CACNA1C: variants seen among roughly 807,000 people sequenced by gnomAD.
CACNA1C encodes calcium voltage-gated channel subunit alpha1 C.
Under a neutral mutation model 229.0 loss-of-function variants are expected in CACNA1C, and 30 were observed. The ratio of observed to expected loss-of-function variants is 0.13; its 90% confidence interval spans 0.10 to 0.18. CACNA1C has a LOEUF of 0.18. Ranked by LOEUF, CACNA1C falls within the 10% of genes least tolerant of loss-of-function variation. The pLI, the probability that CACNA1C is intolerant of heterozygous loss-of-function variation, is 1.00. For synonymous variants in CACNA1C, 1,114 were observed against 1,132.5 expected (o/e 0.98, Z 0.33); for missense variants, 1,658 against 2,845.0 (o/e 0.58, Z 9.49).
chr12:2,022,879 T>C (rs2046706889), intron 1 of CACNA1C, among the ~76,000 whole-genome samples: 1 of 152,152 alleles, frequency 6.6e-6, no homozygotes, highest in Non-Finnish European at 1.5e-5. Flanking sequence ...TGAAGACTTA[T>C]TGTACTTAAA....
Position 2,285,571 on chromosome 12 carries a change from G to A in CACNA1C, c.478-163405G>A, listed in dbSNP as rs1269057536. On this transcript the variant is annotated intron_variant, in intron 3 of 46. Transcript: ENST00000399655. The surrounding 1 kb of genome is among the most constrained non-coding windows in gnomAD (Gnocchi z 4.2). ...CCTTAAACACCTCCTCATCCCAGAC[G>A]GGTTGACTTTCAATGAGAGGACTCT... Among the ~76,000 whole-genome samples the A allele has an allele frequency of 6.6e-6, 1 of 152,074 alleles. No individual in the cohort carries two copies. The highest frequency in any genetic ancestry group is 1.5e-5 in the Non-Finnish European group (1 of 68,024).
intron 29 of CACNA1C, among the ~76,000 whole-genome samples, chr12:2,622,766 C>T (rs2084004708): frequency 6.6e-6 from 1 of 152,184 alleles, no homozygotes; most frequent in African/African-American, 2.4e-5. Context: ...ACAATCTTTC[C>T]TCTCTCCTCG....
chr12:2,238,764 A>C (rs375528830), intron 3 of CACNA1C, among the ~76,000 whole-genome samples: 31 of 152,344 alleles, frequency 2.0e-4, no homozygotes, highest in African/African-American at 7.5e-4. Context: ...CTGAACTTGC[A>C]GGAAGCCGAG....
At chr12:2,111,461 C>G (rs949577171) in intron 1 of CACNA1C, among the ~76,000 whole-genome samples, 4 of 151,646 alleles carry the variant, frequency 2.6e-5, no homozygotes, top group African/African-American at 7.3e-5. Flanking sequence ...TCCCCAAACT[C>G]CTGGGACTCT....
At chr12:2,520,811 C>A (rs1292332659) in intron 9 of CACNA1C, among the ~76,000 whole-genome samples, 2 of 151,102 alleles carry the variant, frequency 1.3e-5, no homozygotes, top group Non-Finnish European at 2.9e-5. Flanking sequence ...TTCTCATTGC[C>A]CAATGGCCGT....
intron 3 of CACNA1C, among the ~76,000 whole-genome samples, chr12:2,373,085 C>T (rs1005281693): frequency 6.6e-6 from 1 of 152,210 alleles, no homozygotes; most frequent in African/African-American, 2.4e-5. Flanking sequence ...GGAACTGGAT[C>T]GTTACTGACA....
chr12:2,416,381 G>C, intron 3 of CACNA1C, among the ~76,000 whole-genome samples: 1 of 152,084 alleles, frequency 6.6e-6, no homozygotes, highest in Non-Finnish European at 1.5e-5. Context: ...AAGGAGGGAA[G>C]GAAGGAGGGA....
intron 22 of CACNA1C, chr12:2,603,236 TA>T (rs1378023610): frequency 6.6e-6 from 1 of 152,234 alleles, no homozygotes; most frequent in Non-Finnish European, 1.5e-5. Flanking sequence ...ATCTGACCTT[TA>T]AATCCCTTCC....
chr12:2,511,347 A>C (rs1190691623), intron 8 of CACNA1C, among the ~76,000 whole-genome samples: 1 of 152,208 alleles, frequency 6.6e-6, no homozygotes, highest in East Asian at 1.9e-4. Context: ...CAGTGCAGGT[A>C]GTGATGGAGC....
chr12:2,342,531 C>T (rs2096895086), intron 3 of CACNA1C, among the ~76,000 whole-genome samples: 1 of 152,220 alleles, frequency 6.6e-6, no homozygotes, highest in South Asian at 2.1e-4. Flanking sequence ...AGCACAGTGC[C>T]TGGCACACTG....
chr12:2,342,133 G>A (rs772221878), intron 3 of CACNA1C, among the ~76,000 whole-genome samples: 2 of 152,140 alleles, frequency 1.3e-5, no homozygotes, highest in African/African-American at 2.4e-5. Context: ...CCCTCCTTAG[G>A]CATGTCTTCC....
At chr12:2,435,734 G>C (rs2099128089) in intron 3 of CACNA1C, among the ~76,000 whole-genome samples, 1 of 152,198 alleles carries the variant, frequency 6.6e-6, no homozygotes, top group Admixed American at 6.5e-5. Flanking sequence ...CTACTCTGGA[G>C]GACTCTGTGA....
At position 2,067,364 on chromosome 12, in the gene CACNA1C, T is replaced by C. The variant is rs2154521428; in HGVS notation, c.49+13753T>C. On this transcript the variant is annotated intron_variant, in intron 1 of 46. Coordinates refer to ENST00000399655, the MANE Select transcript of CACNA1C (RefSeq NM_000719.7). The surrounding 1 kb of genome is among the most constrained non-coding windows in gnomAD (Gnocchi z 5.3). ...CCAGGTGGACTTTCTTTGGGGAGCA[T>C]AACAGGAAGAAGATGACAAAAGCCT... is the stretch of plus-strand genomic sequence containing the variant. Among the ~76,000 whole-genome samples the C allele has an allele frequency of 6.6e-6, 1 of 151,550 alleles. No homozygotes were observed. Among genetic ancestry groups the C allele is most frequent in the Admixed American group, 6.6e-5 (1 of 15,234 alleles).
chr12:2,620,555 G>A (rs780874011), intron 29 of CACNA1C, among the ~76,000 whole-genome samples: 6 of 152,246 alleles, frequency 3.9e-5, no homozygotes, highest in African/African-American at 7.2e-5. Context: ...GCCCCTTGCC[G>A]TCCTTCCCTC....
intron 3 of CACNA1C, among the ~76,000 whole-genome samples, chr12:2,253,821 C>T (rs756573502): frequency 2.0e-5 from 3 of 152,222 alleles, no homozygotes; most frequent in Non-Finnish European, 4.4e-5. Flanking sequence ...AAGATTTCTT[C>T]TATCTCATTG....
intron 3 of CACNA1C, among the ~76,000 whole-genome samples, chr12:2,200,919 A>G (rs943602709): frequency 6.6e-6 from 1 of 152,216 alleles, no homozygotes; most frequent in African/African-American, 2.4e-5. Context: ...AAAGAGGGCC[A>G]TTCACTCTGG....
chr12:2,286,779 G>A (rs1180283633), intron 3 of CACNA1C, among the ~76,000 whole-genome samples: 3 of 152,158 alleles, frequency 2.0e-5, no homozygotes, highest in African/African-American at 7.2e-5. Flanking sequence ...TGTGCGTTGG[G>A]AACTCATGCT....
rs116567829 is a variant in CACNA1C at position 2,653,097 on chromosome 12, G to A, written c.4075-738G>A. Among the ~76,000 whole-genome samples the A allele has an allele frequency of 1.5e-3, 223 of 152,330 alleles. No individual in the cohort carries two copies. The highest frequency in any genetic ancestry group is 4.0e-3 in the African/African-American group (166 of 41,582). Reference sequence around the variant, plus strand: ...ACCATGGCCTGTCCCCAGAAGTCACGGGGGCTCTGGAAAATTAGTTGTCTG... The same window carrying A: ...ACCATGGCCTGTCCCCAGAAGTCACAGGGGCTCTGGAAAATTAGTTGTCTG... On this transcript the variant is annotated intron_variant, in intron 32 of 46. Coordinates refer to ENST00000399655, the MANE Select transcript of CACNA1C (RefSeq NM_000719.7). The surrounding 1 kb of genome is among the most constrained non-coding windows in gnomAD (Gnocchi z 4.7).
At chr12:2,170,753 T>C (rs2096443010) in intron 3 of CACNA1C, among the ~76,000 whole-genome samples, 1 of 152,252 alleles carries the variant, frequency 6.6e-6, no homozygotes. Context: ...CCACGTTCAC[T>C]GGGAAGCAAG....
Sources: gnomAD v4.1 joint callset for allele counts (sites outside exome capture counted in the v4.1 genomes callset) on GRCh38, gnomAD v4.1.1 for gene constraint, Gnocchi (gnomAD v3.1) non-coding constraint, MANE v1.5 for transcripts, NCBI Gene and HGNC (gene_info 2026-07-23, HGNC 2026-07-21) for gene names.